ITGA5: variants seen among roughly 807,000 people sequenced by gnomAD.
ITGA5 encodes integrin alpha-5.
Under a neutral mutation model 146.3 loss-of-function variants are expected in ITGA5, and 55 were observed. The observed-to-expected ratio is 0.38, with a 90% CI of 0.30 to 0.47. ITGA5 has a LOEUF of 0.47. Among genes scored for constraint, ITGA5 ranks in the 20% least tolerant of loss-of-function variants. The probability of loss-of-function intolerance (pLI) is 0.99; values close to 1 mark genes in which losing one functional copy is unlikely to be tolerated. For missense variants in ITGA5, 1,131 were observed against 1,329.0 expected, an observed-to-expected ratio of 0.85 and a Z score of 2.32; for synonymous variants, 500 against 531.8, an observed-to-expected ratio of 0.94 and a Z score of 0.82.
rs888198154 is a variant in ITGA5, at chr12:54,405,305, C to T, written c.1086G>A (p.Val362=). ...GCTGCAGGTAGACGTAGACCCTGCC[C>T]ACCTCCTGAGGCCGCCCGTCAGGGG... ...DRTPDGRPQE[V]GRVYVYLQHP... The change falls in exon 12 of 30, where the codon GTG becomes GTA. Residue 362 remains valine (V), a synonymous_variant. Coordinates refer to ENST00000293379, the MANE Select transcript of ITGA5 (RefSeq NM_002205.5). The T allele has an allele frequency of 1.2e-6, 2 of 1,613,366 alleles. No homozygotes were observed. The highest frequency in any genetic ancestry group is 1.7e-5 in the Admixed American group (1 of 59,992).
chr12:54,409,335 G>A lies in ITGA5; in HGVS notation c.480C>T (p.Tyr160=), dbSNP rs1955910787. 2 of 1,613,344 alleles carry A rather than the reference G, an allele frequency of 1.2e-6. No individual in the cohort carries two copies. Among genetic ancestry groups the A allele is most frequent in the Non-Finnish European group, 1.7e-6 (2 of 1,179,746 alleles). Reference sequence around the variant, plus strand: ...GTGGCTCCTTCTCTGTGCGCCAGCTGTACAGTGGAGCGCATGCCTGGGAGG... The same window carrying A: ...GTGGCTCCTTCTCTGTGCGCCAGCTATACAGTGGAGCGCATGCCTGGGAGG... ...GSSILACAPL[Y]SWRTEKEPLS... The change falls in exon 4 of 30, where the codon TAC becomes TAT. Residue 160 remains tyrosine, a synonymous_variant. Transcript: ENST00000293379. This position sits in a 1 kb window ranked among gnomAD's most constrained non-coding sequence, Gnocchi z 4.7.
chr12:54,411,131 G>C (rs1359772650), intron 2 of ITGA5, among the ~76,000 whole-genome samples: 1 of 152,180 alleles, frequency 6.6e-6, no homozygotes, highest in East Asian at 1.9e-4. Context: ...CAAAGTGCTG[G>C]GATTACAGGC....
rs1315420354 is a variant in ITGA5 at position 54,409,373 on chromosome 12, G to A, written c.463-21C>T. On this transcript the variant is annotated intron_variant, in intron 3 of 29. Coordinates refer to ENST00000293379, the MANE Select transcript of ITGA5 (RefSeq NM_002205.5). The surrounding 1 kb of genome is among the most constrained non-coding windows in gnomAD (Gnocchi z 4.7). ...CATGCCTGGGAGGGCCCAGGAGGAG[G>A]GGCCTTCAGATTCAGTCCAATAAGG... 3 of 1,610,190 alleles carry A rather than the reference G, an allele frequency of 1.9e-6. No homozygotes were observed. The highest frequency in any genetic ancestry group is 2.2e-5 in the South Asian group (2 of 90,740).
In ITGA5 at chr12:54,406,140, C is replaced by A. The variant is rs114713960; in HGVS notation, c.907-214G>T. 3.0e-3 allele frequency: 1,815 copies of A among 596,790 alleles called. 25 individuals carry two copies. The African/African-American group carries it at 0.031, about 10-fold the overall frequency. The allele number at this position is 596,790 out of a possible 1,614,324, so 37.0% of individuals were successfully genotyped here. On this transcript the variant is annotated intron_variant, in intron 9 of 29. Coordinates refer to ENST00000293379, the MANE Select transcript of ITGA5 (RefSeq NM_002205.5). ...TCACTATTTTTCTCCCTATCAATCACCAACCACTGACAGATTTTGTATTTA... is the reference window on the plus strand; with the variant it reads ...TCACTATTTTTCTCCCTATCAATCAACAACCACTGACAGATTTTGTATTTA...
intron 2 of ITGA5, among the ~76,000 whole-genome samples, chr12:54,410,753 GTCTT>G (rs1955934254): frequency 6.7e-6 from 1 of 149,552 alleles, no homozygotes; most frequent in African/African-American, 2.5e-5. Context: ...TTGAGACAGA[GTCTT>G]TCTCTGTAGC....
chr12:54,417,745 A>T (rs1250064784), intron 1 of ITGA5, among the ~76,000 whole-genome samples: 2 of 152,128 alleles, frequency 1.3e-5, no homozygotes, highest in Non-Finnish European at 2.9e-5. Context: ...GGGGGTGAGC[A>T]GTAGGAAGCT....
At chr12:54,397,271 T>G (rs1592282526) in intron 29 of ITGA5, 94 bp downstream of exon 29, 28 of 1,414,652 alleles carry the variant, frequency 2.0e-5, no homozygotes, top group East Asian at 2.3e-5. Context: ...ACATGGCTGG[T>G]GAACTGGTCT....
chr12:54,415,521 A>G (rs1955996311), intron 1 of ITGA5, among the ~76,000 whole-genome samples: 1 of 152,182 alleles, frequency 6.6e-6, no homozygotes, highest in Non-Finnish European at 1.5e-5. Context: ...GGCTTAGGTC[A>G]CTCATAATCC....
chr12:54,397,349 G>C lies in ITGA5; in HGVS notation c.3066+16C>G. On this transcript the variant is annotated intron_variant, in intron 29 of 29. Transcript: ENST00000293379. ...TGATGAGAGGGTGGCCAAGTCACAA[G>C]CAGGATGTGGCTGACCTTGTAGAGG... is the stretch of plus-strand genomic sequence containing the variant. 1.9e-6 allele frequency: 3 copies of C among 1,613,572 alleles called. No individual in the cohort carries two copies. The highest frequency in any genetic ancestry group is 2.5e-6 in the Non-Finnish European group (3 of 1,179,686).
intron 1 of ITGA5, chr12:54,413,019 C>CTTGGTT (rs1955966831): frequency 6.5e-6 from 1 of 152,922 alleles, no homozygotes; most frequent in South Asian, 2.1e-4. Flanking sequence ...TGCTTGCTCT[C>CTTGGTT]TTGGTTTTGG....
At chr12:54,406,381 A>G (rs934882750) in intron 9 of ITGA5, among the ~76,000 whole-genome samples, 3 of 151,834 alleles carry the variant, frequency 2.0e-5, no homozygotes, top group Admixed American at 1.3e-4. Flanking sequence ...CACAAACACC[A>G]TTTCTCCCCT....
In ITGA5 at chr12:54,401,866, AAAAAGAGG is replaced by A. The variant is rs1382151183; in HGVS notation, c.2227-19_2227-12del. On this transcript the variant is annotated splice_polypyrimidine_tract_variant and intron_variant, in intron 21 of 29. Coordinates refer to ENST00000293379, the MANE Select transcript of ITGA5 (RefSeq NM_002205.5). This position sits in a 1 kb window ranked among gnomAD's most constrained non-coding sequence, Gnocchi z 5.0. ...AAGGCCACCCCACAGCTGGGGACAG[AAAAAGAGG>A]AAAAGAGGGCAGTTAGACTGTGTAT... is the stretch of plus-strand genomic sequence containing the variant. 6.2e-7 allele frequency: 1 copy of A among 1,613,526 alleles called. No individual in the cohort carries two copies. Among genetic ancestry groups the A allele is most frequent in the South Asian group, 1.1e-5 (1 of 91,078 alleles).
chr12:54,404,408 C>T, intron 14 of ITGA5, 22 bp downstream of exon 14: 2 of 1,612,996 alleles, frequency 1.2e-6, no homozygotes, highest in African/African-American at 1.3e-5. Context: ...GTTGTCCCCT[C>T]ATCTCCCTTT....
In ITGA5 at chr12:54,399,746, C is replaced by A; in HGVS notation, c.2740G>T (p.Ala914Ser). 1 of 1,614,164 alleles carries A rather than the reference C, an allele frequency of 6.2e-7. No homozygotes were observed. The highest frequency in any genetic ancestry group is 8.5e-7 in the Non-Finnish European group (1 of 1,179,980). Residue 914 changes from alanine to serine, a missense_variant, in exon 27 of 30, where the codon GCT (alanine) becomes TCT (serine). Coordinates refer to ENST00000293379, the MANE Select transcript of ITGA5 (RefSeq NM_002205.5). ...TCACAGCGCAGCCTGAAACACTCAGCCTCCGGGCATTTCTAGGAAGAAAGA... is the reference window on the plus strand; with the variant it reads ...TCACAGCGCAGCCTGAAACACTCAGACTCCGGGCATTTCTAGGAAGAAAGA... Reference protein sequence around the residue: ...SGPQILKCPEAECFRLRCELG... With the variant: ...SGPQILKCPESECFRLRCELG...
In ITGA5 at chr12:54,401,264, C is replaced by T; in HGVS notation, c.2493+109G>A. ...TCATGCCTTTGCATATCACTTACTC[C>T]TCCCTCCTCTCTTTCTCTCAGTCCC... On this transcript the variant is annotated intron_variant, in intron 24 of 29. Transcript: ENST00000293379. The surrounding 1 kb of genome is among the most constrained non-coding windows in gnomAD (Gnocchi z 5.0). 1.1e-6 allele frequency: 1 copy of T among 895,370 alleles called. No individual in the cohort carries two copies. Among genetic ancestry groups the T allele is most frequent in the Non-Finnish European group, 1.9e-6 (1 of 540,112 alleles). 55.5% of individuals were successfully genotyped at this position (895,370 alleles called of 1,614,324 possible).
rs1955783621 is a variant in ITGA5 at position 54,401,504 on chromosome 12, G to GGTGGTTTAGAGGAC, written c.2388-27_2388-26insGTCCTCTAAACCAC. On this transcript the variant is annotated intron_variant, in intron 23 of 29. Coordinates refer to ENST00000293379, the MANE Select transcript of ITGA5 (RefSeq NM_002205.5). This position sits in a 1 kb window ranked among gnomAD's most constrained non-coding sequence, Gnocchi z 5.0. The stretch of plus-strand genomic sequence containing the variant: ...CTAAGGAGGAGGGTGGTTTAGAGGA[G>GGTGGTTTAGAGGAC]GGTGGAAGGAACCCCATATGCATCC... 1 of 1,607,056 alleles carries GGTGGTTTAGAGGAC rather than the reference G, an allele frequency of 6.2e-7. No individual in the cohort carries two copies. Among genetic ancestry groups the GGTGGTTTAGAGGAC allele is most frequent in the South Asian group, 1.1e-5 (1 of 90,878 alleles).
rs1017392661 is a variant in ITGA5, at chr12:54,402,108, G to A, written c.2134-15C>T. 5.0e-6 allele frequency: 8 copies of A among 1,613,862 alleles called. No individual in the cohort carries two copies. In the Admixed American group the frequency reaches 1.0e-4, roughly 20 times the overall value. ...CTGGAGAAGTTCTGGAGATGGGGTG[G>A]GCACTGGTCAGGTTTTGGTGTCCCC... On this transcript the variant is annotated splice_polypyrimidine_tract_variant and intron_variant, in intron 20 of 29. Transcript: ENST00000293379.
Position 54,403,530 on chromosome 12 carries a change from C to T in ITGA5, c.1776+95G>A. On this transcript the variant is annotated intron_variant, in intron 17 of 29. Coordinates refer to ENST00000293379, the MANE Select transcript of ITGA5 (RefSeq NM_002205.5). This position sits in a 1 kb window ranked among gnomAD's most constrained non-coding sequence, Gnocchi z 4.9. The stretch of plus-strand genomic sequence containing the variant: ...CCCTACAAGAGTCCCAAGCCCTTCA[C>T]TGGAGTCCCCCAGTCTTTTTCCCTT... 3 of 1,433,104 alleles carry T rather than the reference C, an allele frequency of 2.1e-6. No individual in the cohort carries two copies. In the South Asian group the frequency reaches 4.0e-5, roughly 19 times the overall value. 88.8% of individuals were successfully genotyped at this position (1,433,104 alleles called of 1,614,324 possible). A position where few individuals can be genotyped will look rare whatever the true frequency, so the allele number is the denominator to read the frequency against.
At chr12:54,405,569 C>G in intron 11 of ITGA5, 95 bp downstream of exon 11, 2 of 1,224,156 alleles carry the variant, frequency 1.6e-6, no homozygotes, top group Non-Finnish European at 2.4e-6. Context: ...GAGAAAAAGC[C>G]CTGGAGAAAC....
Sources: gnomAD v4.1 joint callset for allele counts (sites outside exome capture counted in the v4.1 genomes callset) on GRCh38, gnomAD v4.1.1 for gene constraint, Gnocchi (gnomAD v3.1) non-coding constraint, MANE v1.5 for transcripts, NCBI Gene and HGNC (gene_info 2026-07-23, HGNC 2026-07-21) for gene names.